The following SSRP1 variants were observed in gnomAD, a reference collection of about 807,000 sequenced individuals.
SSRP1 encodes FACT complex subunit SSRP1.
Under a neutral mutation model 84.4 loss-of-function variants are expected in SSRP1, and 21 were observed. The ratio of observed to expected loss-of-function variants is 0.25; its 90% CI spans 0.18 to 0.36. SSRP1 has a LOEUF of 0.36. Among genes scored for constraint, SSRP1 ranks in the 10% least tolerant of loss-of-function variants. The pLI is 1.00. For missense variants in SSRP1, 519 were observed against 900.8 expected, an observed-to-expected ratio of 0.58 and a Z score of 5.43; for synonymous variants, 319 against 318.3, an observed-to-expected ratio of 1.00 and a Z score of -0.02.
intron 13 of SSRP1, 119 bp from the exon 14 acceptor site, chr11:57,328,001 G>A: frequency 7.9e-7 from 1 of 1,260,720 alleles, no homozygotes; most frequent in Non-Finnish European, 1.1e-6. Flanking sequence ...CATCAGGCGA[G>A]ACGAGAGCTC....
intron 2 of SSRP1, 108 bp downstream of exon 2, chr11:57,334,960 G>T: frequency 7.6e-7 from 1 of 1,312,738 alleles, no homozygotes; most frequent in Non-Finnish European, 1.1e-6. Context: ...ATTATACTGA[G>T]TCTTCTTTTT....
chr11:57,326,639 AC>A, intron 16 of SSRP1, 63 bp downstream of exon 16: 4 of 1,584,224 alleles, frequency 2.5e-6, no homozygotes, highest in Non-Finnish European at 3.4e-6. Context: ...TTACAGACCA[AC>A]CCCACACAGA....
chr11:57,326,683 G>T lies in SSRP1; in HGVS notation c.2058+20C>A. 1 of 1,609,404 alleles carries T rather than the reference G, an allele frequency of 6.2e-7. No homozygotes were observed. On this transcript the variant is annotated intron_variant, in intron 16 of 16. Coordinates refer to ENST00000278412, the MANE Select transcript of SSRP1 (RefSeq NM_003146.3). ...GCCCCTCACCCTGCCCAGCCCACAGGCCCCACATTCCTGCCGCACCTCGCT... is the reference window on the plus strand; with the variant it reads ...GCCCCTCACCCTGCCCAGCCCACAGTCCCCACATTCCTGCCGCACCTCGCT...
intron 12 of SSRP1, chr11:57,329,635 T>C (rs1277687509): frequency 1.6e-5 from 3 of 189,626 alleles, no homozygotes; most frequent in Non-Finnish European, 3.3e-5. Context: ...TATGAACTTA[T>C]GAAATTCCCT....
In SSRP1 at chr11:57,335,425, A is replaced by G. The variant is rs1856194896; in HGVS notation, c.-119-185T>C. The G allele has an allele frequency of 1.1e-5, 4 of 364,704 alleles. No individual in the cohort carries two copies. Among genetic ancestry groups the G allele is most frequent in the African/African-American group, 4.2e-5 (2 of 48,070 alleles). The allele number at this position is 364,704 out of a possible 1,614,324, so 22.6% of individuals were successfully genotyped here. A position where few individuals can be genotyped will look rare whatever the true frequency, so the allele number is the denominator to read the frequency against. ...GGCCTGGGTGGAGAACCGGGCCCGGAATACCGCTGACACCCAACCCGACGC... is the reference window on the plus strand; with the variant it reads ...GGCCTGGGTGGAGAACCGGGCCCGGGATACCGCTGACACCCAACCCGACGC... On this transcript the variant is annotated intron_variant, in intron 1 of 16. Transcript: ENST00000278412. This position sits in a 1 kb window ranked among gnomAD's most constrained non-coding sequence, Gnocchi z 4.6.
Position 57,332,865 on chromosome 11 carries a change from C to T in SSRP1, c.538-10G>A, listed in dbSNP as rs766967634. 3.1e-6 allele frequency: 5 copies of T among 1,605,930 alleles called. No individual in the cohort carries two copies. The highest frequency in any genetic ancestry group is 2.7e-5 in the African/African-American group (2 of 74,944). The stretch of plus-strand genomic sequence containing the variant: ...CATTCTGGGCAAAGGCCTGCAAAAG[C>T]ACATATTGGTAGCCAAGCAGCAGGC... On this transcript the variant is annotated splice_polypyrimidine_tract_variant and intron_variant, in intron 5 of 16. Transcript: ENST00000278412. This position sits in a 1 kb window ranked among gnomAD's most constrained non-coding sequence, Gnocchi z 5.5.
In SSRP1 at chr11:57,327,702, T is replaced by C. The variant is rs1343590336; in HGVS notation, c.1782+10A>G. On this transcript the variant is annotated intron_variant, in intron 14 of 16. Coordinates refer to ENST00000278412, the MANE Select transcript of SSRP1 (RefSeq NM_003146.3). ...ATGAGAGGCATCACCCCTCCTCTGC[T>C]GCTACTCACCTCTTTCTTCTCTTTG... is the stretch of plus-strand genomic sequence containing the variant. The C allele has an allele frequency of 6.2e-7, 1 of 1,613,762 alleles. No homozygotes were observed. Among genetic ancestry groups the C allele is most frequent in the Non-Finnish European group, 8.5e-7 (1 of 1,179,848 alleles).
In SSRP1 at chr11:57,333,071, C is replaced by T; in HGVS notation, c.425G>A (p.Gly142Asp). 1 of 1,614,156 alleles carries T rather than the reference C, an allele frequency of 6.2e-7. No homozygotes were observed. Among genetic ancestry groups the T allele is most frequent in the Non-Finnish European group, 8.5e-7 (1 of 1,180,024 alleles). Residue 142 changes from glycine to aspartate, a missense_variant, in exon 5 of 17, where the codon GGC (glycine) becomes GAC (aspartate). Coordinates refer to ENST00000278412, the MANE Select transcript of SSRP1 (RefSeq NM_003146.3). ...GAATTCCAGTGTCACCTCATTCTTG[C>T]CTGTGGTGCACTGGGACACATTGCT... ...PLSNVSQCTT[G>D]KNEVTLEFHQ...
In SSRP1 at chr11:57,328,209, G is replaced by A; in HGVS notation, c.1611+88C>T. ...GCCCCAAGGAAGAACAGGTCCTACT[G>A]GTGGTGGACAGGAGAAGGTAAAGAG... is the stretch of plus-strand genomic sequence containing the variant. On this transcript the variant is annotated intron_variant, in intron 13 of 16. Transcript: ENST00000278412. The A allele has an allele frequency of 1.9e-6, 3 of 1,541,496 alleles. No homozygotes were observed. In the South Asian group the frequency reaches 3.7e-5, roughly 19 times the overall value.
chr11:57,326,633 A>G (rs112451700), intron 16 of SSRP1, 70 bp downstream of exon 16: 4 of 1,582,332 alleles, frequency 2.5e-6, no homozygotes, highest in Non-Finnish European at 3.4e-6. Context: ...TTACTCTTAC[A>G]GACCAACCCC....
chr11:57,329,929 C>G, intron 12 of SSRP1, 164 bp downstream of exon 12: 3 of 844,872 alleles, frequency 3.6e-6, no homozygotes, highest in African/African-American at 1.7e-5. Flanking sequence ...CTTACAAAGC[C>G]CTTGACAATT....
Position 57,330,482 on chromosome 11 carries a change from C to G in SSRP1, c.1297-53G>C. 1 of 1,605,300 alleles carries G rather than the reference C, an allele frequency of 6.2e-7. No individual in the cohort carries two copies. ...CCAACTCACCCTCGAGCCAGAATCC[C>G]TGCACACTCAAAAGCACACCCCCAT... On this transcript the variant is annotated intron_variant, in intron 10 of 16. Coordinates refer to ENST00000278412, the MANE Select transcript of SSRP1 (RefSeq NM_003146.3). The surrounding 1 kb of genome is among the most constrained non-coding windows in gnomAD (Gnocchi z 4.0).
In SSRP1 at chr11:57,332,122, C is replaced by T. The variant is rs1856104482; in HGVS notation, c.1001+30G>A. Reference sequence around the variant, plus strand: ...AGACACGGCATTTCCCATACCCAGGCAGGGCAGGATCCCAGGCCCACACTC... The same window carrying T: ...AGACACGGCATTTCCCATACCCAGGTAGGGCAGGATCCCAGGCCCACACTC... On this transcript the variant is annotated intron_variant, in intron 8 of 16. Coordinates refer to ENST00000278412, the MANE Select transcript of SSRP1 (RefSeq NM_003146.3). The surrounding 1 kb of genome is among the most constrained non-coding windows in gnomAD (Gnocchi z 5.5). 6.2e-7 allele frequency: 1 copy of T among 1,612,364 alleles called. No individual in the cohort carries two copies. The highest frequency in any genetic ancestry group is 1.3e-5 in the African/African-American group (1 of 74,864).
At chr11:57,331,522 C>A in intron 9 of SSRP1, 146 bp downstream of exon 9, 1 of 625,738 alleles carries the variant, frequency 1.6e-6, no homozygotes, top group Non-Finnish European at 2.8e-6. Context: ...AAAGTCTGAG[C>A]ACTCCAGGGA....
At position 57,326,871 on chromosome 11, in the gene SSRP1, C is replaced by G; in HGVS notation, c.1890G>C (p.Lys630Asn). 6.2e-7 allele frequency: 1 copy of G among 1,610,912 alleles called. No homozygotes were observed. Residue 630 changes from lysine to asparagine, a missense_variant, in exon 16 of 17, where the codon AAG (lysine) becomes AAC (asparagine). Coordinates refer to ENST00000278412, the MANE Select transcript of SSRP1 (RefSeq NM_003146.3). The stretch of plus-strand genomic sequence containing the variant: ...TTTCCATCTTTACCTTTACTTTCTT[C>G]TTCTTCTTTGACTTGTCCCTGTATT... ...ESSKRDKSKK[K>N]KKVKVKMEKK...
Position 57,328,279 on chromosome 11 carries a change from C to T in SSRP1, c.1611+18G>A. On this transcript the variant is annotated intron_variant, in intron 13 of 16. Transcript: ENST00000278412. ...ACCCACTGCACCACACACAGGCCCT[C>T]CCATCTACAGTCTGCACCTCCACAG... The T allele has an allele frequency of 6.2e-7, 1 of 1,613,622 alleles. No homozygotes were observed. The highest frequency in any genetic ancestry group is 1.3e-5 in the African/African-American group (1 of 75,060).
In SSRP1 at chr11:57,327,503, G is replaced by A. The variant is rs753760699; in HGVS notation, c.1794C>T (p.Arg598=). 1.2e-6 allele frequency: 2 copies of A among 1,613,762 alleles called. No homozygotes were observed. Among genetic ancestry groups the A allele is most frequent in the Non-Finnish European group, 1.7e-6 (2 of 1,179,994 alleles). Residue 598 remains arginine, a synonymous_variant, in exon 15 of 17, where the codon CGC becomes CGT. Coordinates refer to ENST00000278412, the MANE Select transcript of SSRP1 (RefSeq NM_003146.3). ...MSKEKKEEWD[R]KAEDARRDYE... ...AGTCCCTCCTGGCATCCTCAGCCTT[G>A]CGATCCCACTCCTGTCTCACACACA...
rs574735634 is a variant in SSRP1, at chr11:57,334,958, G to A, written c.54+110C>T. 43 of 1,287,448 alleles carry A rather than the reference G, an allele frequency of 3.3e-5. No individual in the cohort carries two copies. The Admixed American group carries it at 7.1e-4, about 21-fold the overall frequency. 79.8% of individuals were successfully genotyped at this position (1,287,448 alleles called of 1,614,324 possible). On this transcript the variant is annotated intron_variant, in intron 2 of 16. Transcript: ENST00000278412. ...GGAGACACTAGGTACACATTATACT[G>A]AGTCTTCTTTTTCCAAAATAACGTT...
chr11:57,328,336 C>G lies in SSRP1; in HGVS notation c.1572G>C (p.Lys524Asn). 6.2e-7 allele frequency: 1 copy of G among 1,614,224 alleles called. No individual in the cohort carries two copies. The highest frequency in any genetic ancestry group is 8.5e-7 in the Non-Finnish European group (1 of 1,180,032). Residue 524 changes from lysine to asparagine, a missense_variant, in exon 13 of 17, where the codon AAG becomes AAC. This residue lies in a region of SSRP1 where 197 missense variants were observed against 265.0 expected (regional missense o/e 0.74). Transcript: ENST00000278412. ...EKKRKQLKKA[K>N]MAKDRKSRKK... is the part of the protein sequence containing the mutation. ...TGCGGCTCTTGCGGTCCTTGGCCAT[C>G]TTGGCCTTTTTGAGCTGTTTCCGCT...
Sources: allele counts gnomAD v4.1 joint callset, GRCh38; gene constraint gnomAD v4.1.1; regional missense constraint gnomAD v4.1.1; non-coding constraint Gnocchi (gnomAD v3.1); transcripts MANE v1.5; gene names NCBI Gene and HGNC (gene_info 2026-07-23, HGNC 2026-07-21).